The following PLXDC2 variants were observed in gnomAD, a reference collection of about 807,000 sequenced individuals.
PLXDC2 encodes the protein plexin domain-containing protein 2.
PLXDC2 carries 40 observed loss-of-function variants against 68.9 expected under a neutral mutation model. That is an observed-to-expected ratio of 0.58 (90% confidence interval 0.45 to 0.76). The LOEUF (loss-of-function observed/expected upper bound fraction) is 0.76, where lower values mean the gene tolerates loss of function less well. Ranked by LOEUF, PLXDC2 falls within the 30% of genes least tolerant of loss-of-function variation. PLXDC2 has a pLI of 0.00. For synonymous variants in PLXDC2, 243 were observed against 234.2 expected, an observed-to-expected ratio of 1.04 and a Z score of -0.34; for missense variants, 644 against 661.9, an observed-to-expected ratio of 0.97 and a Z score of 0.30.
chr10:20,220,991 C>T (rs147412968), intron 12 of PLXDC2, among the ~76,000 whole-genome samples: 3,060 of 151,888 alleles, frequency 0.02, 122 homozygotes, highest in African/African-American at 0.07. Flanking sequence ...TACAGGCACC[C>T]ACCACTACGC....
intron 2 of PLXDC2, among the ~76,000 whole-genome samples, chr10:20,022,490 A>G (rs1056462850): frequency 6.6e-6 from 1 of 152,160 alleles, no homozygotes; most frequent in Non-Finnish European, 1.5e-5. Flanking sequence ...TGAAAGCCAC[A>G]TGAGGGACTG....
intron 13 of PLXDC2, among the ~76,000 whole-genome samples, chr10:20,277,658 G>C (rs1836026094): frequency 6.6e-6 from 1 of 152,134 alleles, no homozygotes; most frequent in African/African-American, 2.4e-5. Context: ...CTCTTTGCTT[G>C]GCGTTGTTAT....
intron 4 of PLXDC2, among the ~76,000 whole-genome samples, chr10:20,114,776 G>C (rs1024904797): frequency 2.0e-5 from 3 of 152,160 alleles, no homozygotes; most frequent in Non-Finnish European, 4.4e-5. Context: ...TGAGTATCTG[G>C]AGCACAGGAT....
At chr10:20,004,644 G>T (rs1027148492) in intron 2 of PLXDC2, among the ~76,000 whole-genome samples, 2 of 152,086 alleles carry the variant, frequency 1.3e-5, no homozygotes, top group East Asian at 3.9e-4. Context: ...AAATTTCTTC[G>T]AAAAAGGAAA....
chr10:20,024,318 G>A (rs1209595820), intron 2 of PLXDC2, among the ~76,000 whole-genome samples: 3 of 152,164 alleles, frequency 2.0e-5, no homozygotes, highest in Non-Finnish European at 4.4e-5. Context: ...AGATCATTAA[G>A]TCAAAATAAT....
rs1001968726 is a variant in PLXDC2, at chr10:20,082,057, A to C, written c.541+13818A>C. Among the ~76,000 whole-genome samples, 6 of 141,912 alleles carry C rather than the reference A, an allele frequency of 4.2e-5. 1 individual carries two copies. The highest frequency in any genetic ancestry group is 6.1e-5 in the Non-Finnish European group (4 of 65,970). The allele number at this position is 141,912 out of a possible 152,430, so 93.1% of individuals were successfully genotyped here. A position where few individuals can be genotyped will look rare whatever the true frequency, so the allele number is the denominator to read the frequency against. On this transcript the variant is annotated intron_variant, in intron 4 of 13. Transcript: ENST00000377252. Reference sequence around the variant, plus strand: ...TGAAACTCCATCTGAAAAAAAAAAAAAAAAATCAAAAAAAAAAAACAGGAG... The same window carrying C: ...TGAAACTCCATCTGAAAAAAAAAAACAAAAATCAAAAAAAAAAAACAGGAG...
At chr10:19,992,998 C>G (rs967254570) in intron 1 of PLXDC2, among the ~76,000 whole-genome samples, 4 of 152,140 alleles carry the variant, frequency 2.6e-5, no homozygotes, top group African/African-American at 7.2e-5. Flanking sequence ...CCTCACGACT[C>G]GGCTCTGGCT....
At chr10:19,900,987 G>GA (rs1838150011) in intron 1 of PLXDC2, among the ~76,000 whole-genome samples, 2 of 94,292 alleles carry the variant, frequency 2.1e-5, no homozygotes, top group South Asian at 3.0e-4. Flanking sequence ...TGTGATGTGT[G>GA]TGTGTGTGTG....
At chr10:19,846,620 C>T (rs1837014322) in intron 1 of PLXDC2, among the ~76,000 whole-genome samples, 1 of 152,136 alleles carries the variant, frequency 6.6e-6, no homozygotes, top group Admixed American at 6.6e-5. Flanking sequence ...ACTTACTTTA[C>T]CTCACCAAAC....
intron 1 of PLXDC2, among the ~76,000 whole-genome samples, chr10:19,956,897 C>A (rs901570218): frequency 1.3e-5 from 2 of 152,124 alleles, no homozygotes; most frequent in African/African-American, 4.8e-5. Flanking sequence ...TTTTATAGAG[C>A]AGATAGTAAA....
intron 7 of PLXDC2, among the ~76,000 whole-genome samples, chr10:20,168,880 G>A (rs1485830252): frequency 6.6e-6 from 1 of 152,050 alleles, no homozygotes; most frequent in African/African-American, 2.4e-5. Flanking sequence ...ATGTTTTCAC[G>A]TATCTGTATC....
chr10:19,979,030 C>G (rs182977279), intron 1 of PLXDC2, among the ~76,000 whole-genome samples: 1 of 152,100 alleles, frequency 6.6e-6, no homozygotes, highest in Non-Finnish European at 1.5e-5. Context: ...ACAAAATAAA[C>G]GTTTCTTGAT....
chr10:20,159,522 C>G (rs1294165119), intron 6 of PLXDC2, among the ~76,000 whole-genome samples: 1 of 152,100 alleles, frequency 6.6e-6, no homozygotes, highest in Admixed American at 6.6e-5. Context: ...GTCTGGCTCC[C>G]GTTGTCCTTC....
intron 1 of PLXDC2, among the ~76,000 whole-genome samples, chr10:19,899,495 G>T (rs984980927): frequency 6.6e-6 from 1 of 152,030 alleles, no homozygotes; most frequent in Admixed American, 6.6e-5. Context: ...AGGATTTTTT[G>T]ATTGCACGTA....
chr10:20,054,290 G>C (rs1263040219), intron 3 of PLXDC2, among the ~76,000 whole-genome samples: 1 of 151,984 alleles, frequency 6.6e-6, no homozygotes, highest in Non-Finnish European at 1.5e-5. Flanking sequence ...TAGCAAGGGT[G>C]GGGAGTCTCG....
intron 4 of PLXDC2, among the ~76,000 whole-genome samples, chr10:20,116,475 G>A (rs1308385934): frequency 1.3e-5 from 2 of 151,732 alleles, no homozygotes; most frequent in Non-Finnish European, 2.9e-5. Context: ...ACAGTAAATC[G>A]AGAAGTTAAT....
chr10:20,219,132 A>G, intron 12 of PLXDC2, 30 bp downstream of exon 12: 2 of 1,580,742 alleles, frequency 1.3e-6, no homozygotes, highest in East Asian at 2.3e-5. Flanking sequence ...TTTCATAAAC[A>G]TCTTTTAAAT....
intron 1 of PLXDC2, among the ~76,000 whole-genome samples, chr10:19,927,489 CAA>C (rs1408800497): frequency 6.6e-6 from 1 of 151,888 alleles, no homozygotes; most frequent in Admixed American, 6.6e-5. Flanking sequence ...ATCAAGAAGT[CAA>C]GAGATGGAGA....
At chr10:20,114,255 C>G (rs566945548) in intron 4 of PLXDC2, among the ~76,000 whole-genome samples, 169 of 152,326 alleles carry the variant, frequency 1.1e-3, no homozygotes, top group Middle Eastern at 3.4e-3. Flanking sequence ...AGCCTTCCAC[C>G]ATCTGACCTC....
Sources: gnomAD v4.1 joint callset for allele counts (sites outside exome capture counted in the v4.1 genomes callset) on GRCh38, gnomAD v4.1.1 for gene constraint, MANE v1.5 for transcripts, NCBI Gene and HGNC (gene_info 2026-07-23, HGNC 2026-07-21) for gene names.